The following PLOD1 variants were observed in gnomAD, a reference collection of about 807,000 sequenced individuals.
The protein encoded by PLOD1 is procollagen-lysine,2-oxoglutarate 5-dioxygenase 1.
PLOD1 carries 70 observed loss-of-function variants against 94.7 expected under a neutral mutation model. The observed-to-expected ratio is 0.74, with a 90% confidence interval of 0.61 to 0.90. PLOD1 has a LOEUF of 0.90. PLOD1 is among the 40% of genes least tolerant of loss of function. The pLI, the probability that PLOD1 is intolerant of heterozygous loss-of-function variation, is 0.00. For missense variants in PLOD1, 905 were observed against 972.7 expected, an observed-to-expected ratio of 0.93 and a Z score of 0.93; for synonymous variants, 417 against 400.2, an observed-to-expected ratio of 1.04 and a Z score of -0.50.
chr1:11,970,113 T>C (rs532756932), intron 16 of PLOD1, among the ~76,000 whole-genome samples: 161 of 147,980 alleles, frequency 1.1e-3, no homozygotes, highest in South Asian at 2.4e-3. Context: ...TAGCCAGGCA[T>C]GGTGGCGCAC....
At chr1:11,955,037 C>T in intron 6 of PLOD1, 144 bp downstream of exon 6, 1 of 665,004 alleles carries the variant, frequency 1.5e-6, no homozygotes, top group South Asian at 1.8e-5. Context: ...CCCAGGTCCC[C>T]AGGGGCCACT....
chr1:11,973,709 T>C (rs1465184671), intron 18 of PLOD1, among the ~76,000 whole-genome samples: 58 of 151,864 alleles, frequency 3.8e-4, no homozygotes, highest in Non-Finnish European at 5.9e-5. Context: ...CCCCCCCAAG[T>C]AGTTGGGACC....
At position 11,966,235 on chromosome 1, in the gene PLOD1, T is replaced by G; in HGVS notation, c.1585-16T>G. 3 of 1,597,174 alleles carry G rather than the reference T, an allele frequency of 1.9e-6. No individual in the cohort carries two copies. Among genetic ancestry groups the G allele is most frequent in the Non-Finnish European group, 2.6e-6 (3 of 1,169,464 alleles). ...GCCAATGGTGAGGACCCTAGCCTGC[T>G]TCCCACTTCCCACAGGACTGGAAGG... is the stretch of plus-strand genomic sequence containing the variant. On this transcript the variant is annotated splice_polypyrimidine_tract_variant and intron_variant, in intron 14 of 18. Transcript: ENST00000196061.
intron 5 of PLOD1, chr1:11,954,242 G>A (rs1312200969): frequency 3.1e-5 from 8 of 255,888 alleles, no homozygotes; most frequent in Admixed American, 2.4e-4. Flanking sequence ...GGCGGGGGGC[G>A]GGGGCGGATC....
chr1:11,949,364 G>C (rs1015311125), intron 2 of PLOD1, among the ~76,000 whole-genome samples: 1 of 152,118 alleles, frequency 6.6e-6, no homozygotes, highest in Non-Finnish European at 1.5e-5. Flanking sequence ...GGTGGAGAAT[G>C]GTTTCCTTAC....
chr1:11,964,245 G>C lies in PLOD1; in HGVS notation c.1273G>C (p.Asp425His), dbSNP rs748565316. The C allele has an allele frequency of 2.0e-6, 3 of 1,518,142 alleles. No homozygotes were observed. The South Asian group carries it at 3.3e-5, about 17-fold the overall frequency. The allele number at this position is 1,518,142 out of a possible 1,614,324, so 94.0% of individuals were successfully genotyped here. Residue 425 changes from aspartate to histidine, a missense_variant, in exon 12 of 19, where the codon GAT (aspartate) becomes CAT (histidine). Coordinates refer to ENST00000196061, the MANE Select transcript of PLOD1 (RefSeq NM_000302.4). ...WSNFWGALSA[D>H]GYYARSEDYV... ...GAACTTCTGGGGGGCTCTCAGTGCA[G>C]ATGGCTACTATGCCCGTTCCGAGGA...
intron 17 of PLOD1, among the ~76,000 whole-genome samples, chr1:11,971,236 G>A (rs1011402521): frequency 2.1e-4 from 27 of 127,070 alleles, no homozygotes; most frequent in Non-Finnish European, 4.0e-4. Flanking sequence ...GGGGGCTTGG[G>A]TGGAAGGGCC....
chr1:11,964,423 C>A, intron 12 of PLOD1, 123 bp downstream of exon 12: 1 of 1,110,104 alleles, frequency 9.0e-7, no homozygotes, highest in Non-Finnish European at 1.3e-6. Context: ...GAACCTGAAG[C>A]AAGGAAGACT....
At chr1:11,944,677 C>T in intron 1 of PLOD1, 1 of 1,325,102 alleles carries the variant, frequency 7.5e-7, no homozygotes, top group Admixed American at 2.0e-5. Context: ...TGAGGCCTCT[C>T]CTTCCCACAC....
In PLOD1 at chr1:11,970,785, C is replaced by G. The variant is rs760314787; in HGVS notation, c.1871C>G (p.Thr624Arg). The G allele has an allele frequency of 6.2e-7, 1 of 1,608,536 alleles. No individual in the cohort carries two copies. Among genetic ancestry groups the G allele is most frequent in the African/African-American group, 1.4e-5 (1 of 73,126 alleles). The change falls in exon 17 of 19, where the codon ACG becomes AGG. Residue 624 changes from threonine (T) to arginine (R), a missense_variant. Transcript: ENST00000196061. ...KFLLEYIAPM[T>R]EKLYPGYYTR... ...CTGCTGGAGTACATTGCGCCCATGA[C>G]GGAGAAGCTCTACCCCGGCTACTAC...
At chr1:11,956,885 T>C (rs750689357) in intron 6 of PLOD1, 32 bp from the exon 7 acceptor site, 3 of 1,477,566 alleles carry the variant, frequency 2.0e-6, no homozygotes, top group Non-Finnish European at 2.8e-6. Context: ...CTGGGTCTGA[T>C]GCTGGGTGGG....
Position 11,975,044 on chromosome 1 carries a change from T to C in PLOD1, c.*236T>C, listed in dbSNP as rs1419010642. 11 of 593,620 alleles carry C rather than the reference T, an allele frequency of 1.9e-5. No individual in the cohort carries two copies. Among genetic ancestry groups the C allele is most frequent in the Non-Finnish European group, 3.0e-5 (10 of 333,220 alleles). 36.8% of individuals were successfully genotyped at this position (593,620 alleles called of 1,614,324 possible). On this transcript the variant is annotated 3_prime_UTR_variant, in exon 19 of 19. Coordinates refer to ENST00000196061, the MANE Select transcript of PLOD1 (RefSeq NM_000302.4). ...CTGGACCCAGCCCCTGGAGACACCA[T>C]TCACTTTTACTGCTTTGTAGTGACT...
At chr1:11,953,069 T>G (rs1645714518) in intron 5 of PLOD1, among the ~76,000 whole-genome samples, 1 of 152,116 alleles carries the variant, frequency 6.6e-6, no homozygotes, top group African/African-American at 2.4e-5. Flanking sequence ...TATTTTTTTA[T>G]TTTTGGGATG....
At chr1:11,965,063 G>A (rs1051583850) in intron 13 of PLOD1, among the ~76,000 whole-genome samples, 2 of 151,954 alleles carry the variant, frequency 1.3e-5, no homozygotes, top group African/African-American at 4.8e-5. Flanking sequence ...CAAAGAAAAC[G>A]GAACTTTCCA....
rs1485736534 is a variant in PLOD1, at chr1:11,950,604, A to C, written c.466+84A>C. On this transcript the variant is annotated intron_variant, in intron 4 of 18. Coordinates refer to ENST00000196061, the MANE Select transcript of PLOD1 (RefSeq NM_000302.4). ...TGGGGACCCCCCTTGTTTGACGTGC[A>C]ATCTGGGTGTCTCACAGGTCTCCAG... 19 of 1,253,406 alleles carry C rather than the reference A, an allele frequency of 1.5e-5. No homozygotes were observed. In the Admixed American group the frequency reaches 3.4e-4, roughly 22 times the overall value. The allele number at this position is 1,253,406 out of a possible 1,614,324, so 77.6% of individuals were successfully genotyped here. A position where few individuals can be genotyped will look rare whatever the true frequency, so the allele number is the denominator to read the frequency against.
intron 1 of PLOD1, among the ~76,000 whole-genome samples, chr1:11,943,804 G>C (rs930469604): frequency 6.6e-6 from 1 of 152,248 alleles, no homozygotes; most frequent in South Asian, 2.1e-4. Flanking sequence ...TTTAGGTTAA[G>C]AGAGGAGACT....
At chr1:11,971,444 G>A (rs533164861) in intron 17 of PLOD1, 2 of 165,654 alleles carry the variant, frequency 1.2e-5, no homozygotes, top group Admixed American at 5.7e-5. Flanking sequence ...GGGACTCTAG[G>A]GCCGGCTAGT....
rs779066341 is a variant in PLOD1, at chr1:11,956,979, C to A, written c.706C>A (p.Leu236Ile). 2 of 1,613,806 alleles carry A rather than the reference C, an allele frequency of 1.2e-6. No homozygotes were observed. Among genetic ancestry groups the A allele is most frequent in the Non-Finnish European group, 1.7e-6 (2 of 1,179,772 alleles). ...AGCGAGGAACCTGGCCTATGACACCCTCCCGGTCCTGATCCATGGCAACGG... is the reference window on the plus strand; with the variant it reads ...AGCGAGGAACCTGGCCTATGACACCATCCCGGTCCTGATCCATGGCAACGG... ...VRARNLAYDT[L>I]PVLIHGNGPT... The change falls in exon 7 of 19, where the codon CTC (leucine) becomes ATC (isoleucine). Residue 236 changes from leucine (L) to isoleucine (I), a missense_variant. Physicochemically the swap from Leu to Ile is conservative, Grantham distance 5. Coordinates refer to ENST00000196061, the MANE Select transcript of PLOD1 (RefSeq NM_000302.4).
chr1:11,943,598 C>T (rs11584187), intron 1 of PLOD1, among the ~76,000 whole-genome samples: 22,081 of 152,038 alleles, frequency 0.15, 2,299 homozygotes, highest in African/African-American at 0.3. Flanking sequence ...CGCCTGGCCA[C>T]GGAACCTGGG....
Sources: allele counts gnomAD v4.1 joint callset (sites outside exome capture counted in the v4.1 genomes callset), GRCh38; gene constraint gnomAD v4.1.1; transcripts MANE v1.5; gene names NCBI Gene and HGNC (gene_info 2026-07-23, HGNC 2026-07-21).